Variants in ATL2 observed in about 807,000 individuals in gnomAD.
ATL2 encodes the protein atlastin GTPase 2, also known as atlastin-2.
Under a neutral mutation model 73.9 loss-of-function variants are expected in ATL2, and 31 were observed. The observed-to-expected ratio is 0.42, with a 90% CI of 0.32 to 0.57. The LOEUF (loss-of-function observed/expected upper bound fraction) is 0.57. Ranked by LOEUF, ATL2 falls within the 20% of genes least tolerant of loss-of-function variation. ATL2 has a pLI of 0.14. For missense variants in ATL2, 738 were observed against 702.6 expected, an observed-to-expected ratio of 1.05 and a Z score of -0.57; for synonymous variants, 291 against 237.5, an observed-to-expected ratio of 1.23 and a Z score of -2.07.
At chr2:38,317,139 A>C (rs533842954) in intron 4 of ATL2, among the ~76,000 whole-genome samples, 69 of 152,262 alleles carry the variant, frequency 4.5e-4, no homozygotes, top group Non-Finnish European at 8.1e-4. Flanking sequence ...TATGTTCCAG[A>C]CATTACTGGA....
intron 2 of ATL2, among the ~76,000 whole-genome samples, chr2:38,325,668 A>AG (rs1463934205): frequency 6.1e-5 from 3 of 49,396 alleles, no homozygotes; most frequent in East Asian, 1.1e-3. Flanking sequence ...CAGTACACAC[A>AG]CACACACACA....
intron 12 of ATL2, chr2:38,296,742 G>C (rs1304910269): frequency 1.9e-6 from 3 of 1,551,204 alleles, no homozygotes; most frequent in Non-Finnish European, 2.6e-6. Context: ...ATTTAGACAA[G>C]GTTTGTTGAC....
chr2:38,321,419 G>A (rs1486821580), intron 2 of ATL2, among the ~76,000 whole-genome samples: 3 of 152,230 alleles, frequency 2.0e-5, no homozygotes, highest in Non-Finnish European at 4.4e-5. Context: ...TCCATTCACA[G>A]TATATATGAT....
rs1410534089 is a variant in ATL2, at chr2:38,377,207, C to T, written c.54G>A (p.Trp18Ter). The T allele has an allele frequency of 9.9e-6, 16 of 1,609,606 alleles. No individual in the cohort carries two copies. Among genetic ancestry groups the T allele is most frequent in the Non-Finnish European group, 1.4e-5 (16 of 1,178,822 alleles). The change falls in exon 1 of 13, where the codon TGG becomes TGA. Residue 18 changes from tryptophan (W) to a stop codon, truncating the protein, a stop_gained. Transcript: ENST00000378954. LOFTEE classifies it high-confidence loss of function. ...ARGQQPHQGL[W>*]RRRRTSDPSA... ...TTGGGTCGCTGGTCCGTCGCCGGCGCCACAGCCCCTGGTGCGGTTGCTGCC... is the reference window on the plus strand; with the variant it reads ...TTGGGTCGCTGGTCCGTCGCCGGCGTCACAGCCCCTGGTGCGGTTGCTGCC...
intron 1 of ATL2, among the ~76,000 whole-genome samples, chr2:38,368,935 TAAAC>T (rs1177061774): frequency 1.3e-5 from 2 of 151,816 alleles, no homozygotes; most frequent in East Asian, 3.9e-4. Context: ...AAAAAGTAAA[TAAAC>T]TAATTCACAT....
chr2:38,300,186 T>G (rs1457205306), intron 10 of ATL2, 86 bp downstream of exon 10: 2 of 1,218,866 alleles, frequency 1.6e-6, no homozygotes, highest in Non-Finnish European at 2.3e-6. Context: ...ACCCCCCATT[T>G]TCAGCATTTC....
intron 1 of ATL2, among the ~76,000 whole-genome samples, chr2:38,367,971 C>A (rs1203498981): frequency 1.4e-5 from 2 of 145,378 alleles, no homozygotes; most frequent in Non-Finnish European, 3.0e-5. Context: ...GTCTCGCTCT[C>A]TCTCCCAGTC....
chr2:38,370,332 T>A lies in ATL2; in HGVS notation c.118+6811A>T, dbSNP rs531988836. ...GGCACGGTGGCGGGCACCTGTAATCTCAGCTGCTCGGGAGGCTAAGGCAAG... is the reference window on the plus strand; with the variant it reads ...GGCACGGTGGCGGGCACCTGTAATCACAGCTGCTCGGGAGGCTAAGGCAAG... On this transcript the variant is annotated intron_variant, in intron 1 of 12. Coordinates refer to ENST00000378954, the MANE Select transcript of ATL2 (RefSeq NM_001135673.4). Among the ~76,000 whole-genome samples the A allele has an allele frequency of 1.0e-4, 15 of 148,918 alleles. No homozygotes were observed. The East Asian group carries it at 3.0e-3, about 30-fold the overall frequency.
rs2148394798 is a variant in ATL2, at chr2:38,295,883, A to G, written c.*111T>C. On this transcript the variant is annotated 3_prime_UTR_variant, in exon 13 of 13. Coordinates refer to ENST00000378954, the MANE Select transcript of ATL2 (RefSeq NM_001135673.4). ...GGCAGCCATCTGTGAAGCCAGTTAC[A>G]CTAAACTACTTCTACAGTTGATTGT... is the stretch of plus-strand genomic sequence containing the variant. 2.2e-6 allele frequency: 2 copies of G among 921,392 alleles called. No homozygotes were observed. Among genetic ancestry groups the G allele is most frequent in the African/African-American group, 1.7e-5 (1 of 59,450 alleles). 57.1% of individuals were successfully genotyped at this position (921,392 alleles called of 1,614,324 possible).
At chr2:38,320,987 CAAAAAAA>C (rs34929294) in intron 2 of ATL2, among the ~76,000 whole-genome samples, 9 of 94,530 alleles carry the variant, frequency 9.5e-5, no homozygotes, top group Non-Finnish European at 1.9e-4. Context: ...ACCAAAATGA[CAAAAAAA>C]AAAAAAAAAA....
At chr2:38,377,365 TC>T (rs1672052501), upstream of ATL2, 1 of 848,884 alleles carries the variant, frequency 1.2e-6, no homozygotes, top group Admixed American at 3.0e-5. Context: ...AGCGCCGCTC[TC>T]CGCCTGTATC....
chr2:38,371,579 A>C (rs1381579578), intron 1 of ATL2, among the ~76,000 whole-genome samples: 1 of 140,674 alleles, frequency 7.1e-6, no homozygotes, highest in East Asian at 2.0e-4. Flanking sequence ...ACTGGGAAGG[A>C]AAAAAAAAAA....
chr2:38,350,130 T>C (rs1453595935), intron 1 of ATL2, among the ~76,000 whole-genome samples: 1 of 152,242 alleles, frequency 6.6e-6, no homozygotes, highest in Non-Finnish European at 1.5e-5. Flanking sequence ...TCTAAGATTT[T>C]AAACTGAAGT....
At chr2:38,300,608 C>T (rs182978598) in intron 9 of ATL2, among the ~76,000 whole-genome samples, 1 of 152,182 alleles carries the variant, frequency 6.6e-6, no homozygotes, top group African/African-American at 2.4e-5. Context: ...AAGAAATTCA[C>T]AATTACCCCC....
chr2:38,334,886 TATATA>T (rs1401654135), intron 2 of ATL2, among the ~76,000 whole-genome samples: 6 of 30,560 alleles, frequency 2.0e-4, no homozygotes, highest in Admixed American at 1.1e-3. Flanking sequence ...TATTATATAA[TATATA>T]ATATATATTA....
intron 2 of ATL2, among the ~76,000 whole-genome samples, chr2:38,327,573 T>C (rs954600828): frequency 2.1e-5 from 3 of 141,112 alleles, no homozygotes; most frequent in South Asian, 4.4e-4. Context: ...AAAACAATTA[T>C]AAGCATGGCA....
intron 1 of ATL2, among the ~76,000 whole-genome samples, chr2:38,361,034 T>C (rs573821195): frequency 6.6e-6 from 1 of 152,166 alleles, no homozygotes; most frequent in African/African-American, 2.4e-5. Context: ...ATGGATAAGC[T>C]TCCACACCAA....
intron 1 of ATL2, among the ~76,000 whole-genome samples, chr2:38,356,866 G>C (rs931062754): frequency 1.3e-5 from 2 of 152,152 alleles, no homozygotes; most frequent in African/African-American, 4.8e-5. Flanking sequence ...AATCTAGATA[G>C]TTTTAAAGAA....
chr2:38,369,599 TA>T (rs1161890659), intron 1 of ATL2, among the ~76,000 whole-genome samples: 2 of 151,180 alleles, frequency 1.3e-5, no homozygotes, highest in Non-Finnish European at 3.0e-5. Flanking sequence ...TTTTTTTTTT[TA>T]ATTAGCCAGG....
Sources: allele counts gnomAD v4.1 joint callset (sites outside exome capture counted in the v4.1 genomes callset), GRCh38; gene constraint gnomAD v4.1.1; transcripts MANE v1.5; gene names NCBI Gene and HGNC (gene_info 2026-07-23, HGNC 2026-07-21).